Variants in ATP8A1 observed in about 807,000 individuals in gnomAD.
ATP8A1 encodes phospholipid-transporting ATPase IA.
In ATP8A1, 90 loss-of-function variants were observed where a neutral mutation model predicts 177.7. That is an observed-to-expected ratio of 0.51 (90% CI 0.43 to 0.60). The LOEUF is 0.60. Among genes scored for constraint, ATP8A1 ranks in the 20% least tolerant of loss-of-function variants. The pLI, the probability that ATP8A1 is intolerant of heterozygous loss-of-function variation, is 0.00. For missense variants in ATP8A1, 1,072 were observed against 1,392.8 expected (o/e 0.77, Z 3.67); for synonymous variants, 493 against 485.9 (o/e 1.01, Z -0.19).
At chr4:42,440,962 A>G (rs997892076) in intron 33 of ATP8A1, among the ~76,000 whole-genome samples, 1 of 152,118 alleles carries the variant, frequency 6.6e-6, no homozygotes, top group African/African-American at 2.4e-5. Flanking sequence ...CCAAATCAAC[A>G]CAGGAAAGGA....
intron 4 of ATP8A1, among the ~76,000 whole-genome samples, chr4:42,619,911 G>A (rs770077074): frequency 6.6e-5 from 10 of 152,080 alleles, no homozygotes; most frequent in Non-Finnish European, 1.0e-4. Context: ...CCCCACCCTT[G>A]CTACAATAAC....
intron 19 of ATP8A1, among the ~76,000 whole-genome samples, chr4:42,544,677 AG>A (rs1320628888): frequency 2.6e-5 from 4 of 152,236 alleles, no homozygotes; most frequent in South Asian, 4.1e-4. Flanking sequence ...AGCATTACAA[AG>A]GATAGGACTC....
At chr4:42,518,883 T>C (rs1725834950) in intron 22 of ATP8A1, among the ~76,000 whole-genome samples, 1 of 152,174 alleles carries the variant, frequency 6.6e-6, no homozygotes, top group African/African-American at 2.4e-5. Context: ...CTTGCCTCAC[T>C]AGAGTGGTTT....
intron 22 of ATP8A1, among the ~76,000 whole-genome samples, chr4:42,517,322 T>G (rs1475896178): frequency 6.6e-6 from 1 of 151,322 alleles, no homozygotes; most frequent in African/African-American, 2.4e-5. Flanking sequence ...AATTCTGATT[T>G]AAAAAATATA....
At chr4:42,524,913 G>A in intron 20 of ATP8A1, 66 bp from the exon 21 acceptor site, 2 of 1,019,154 alleles carry the variant, frequency 2.0e-6, no homozygotes, top group Non-Finnish European at 3.0e-6. Context: ...GTTGATGTTG[G>A]TAACAATAGC....
intron 27 of ATP8A1, among the ~76,000 whole-genome samples, chr4:42,456,719 A>C (rs1718527656): frequency 6.6e-6 from 1 of 152,220 alleles, no homozygotes; most frequent in Non-Finnish European, 1.5e-5. Context: ...ACATAAGCAC[A>C]AATACAAAAA....
At chr4:42,595,264 A>T (rs1734611080) in intron 6 of ATP8A1, among the ~76,000 whole-genome samples, 1 of 152,198 alleles carries the variant, frequency 6.6e-6, no homozygotes, top group Non-Finnish European at 1.5e-5. Context: ...GAACTCTAAA[A>T]TAACACTATG....
chr4:42,596,060 T>G (rs1359519892), intron 6 of ATP8A1, among the ~76,000 whole-genome samples: 1 of 152,202 alleles, frequency 6.6e-6, no homozygotes, highest in Admixed American at 6.5e-5. Flanking sequence ...TAAGATCAAT[T>G]TCTCAAAAGA....
intron 1 of ATP8A1, among the ~76,000 whole-genome samples, chr4:42,642,463 G>GC (rs1740097951): frequency 6.6e-6 from 1 of 152,196 alleles, no homozygotes; most frequent in African/African-American, 2.4e-5. Flanking sequence ...CCTTCAGTTT[G>GC]TCAGGATGTA....
chr4:42,653,691 A>G (rs1237539154), intron 1 of ATP8A1, among the ~76,000 whole-genome samples: 3 of 152,324 alleles, frequency 2.0e-5, no homozygotes, highest in East Asian at 3.9e-4. Flanking sequence ...GATATTATAT[A>G]TTGGAGTTAG....
intron 25 of ATP8A1, chr4:42,471,904 A>G: frequency 1.6e-6 from 1 of 640,850 alleles, no homozygotes; most frequent in East Asian, 3.3e-5. Context: ...GGAGCTGGAG[A>G]TAAACTCGGA....
chr4:42,539,657 C>A (rs1235348997), intron 20 of ATP8A1, among the ~76,000 whole-genome samples: 1 of 152,046 alleles, frequency 6.6e-6, no homozygotes, highest in African/African-American at 2.4e-5. Flanking sequence ...ACCAACTGAT[C>A]TTTGACAAAG....
Position 42,507,089 on chromosome 4 carries a change from T to A in ATP8A1, c.2013A>T (p.Ile671=), listed in dbSNP as rs1276191587. 9 of 1,614,082 alleles carry A rather than the reference T, an allele frequency of 5.6e-6. No homozygotes were observed. Among genetic ancestry groups the A allele is most frequent in the Non-Finnish European group, 7.6e-6 (9 of 1,179,940 alleles). Residue 671 remains isoleucine, a synonymous_variant, in exon 23 of 37, where the codon ATA becomes ATT. Transcript: ENST00000381668. ...TGATGTCTGCTTTCATTAGCGTTTC[T>A]ATGGTTTCAGGCACTTGATCTTGTA... The part of the protein sequence containing the change: ...DKLQDQVPET[I]ETLMKADIKI...
intron 5 of ATP8A1, among the ~76,000 whole-genome samples, chr4:42,610,934 C>T (rs1194880331): frequency 1.3e-5 from 2 of 152,198 alleles, no homozygotes; most frequent in Non-Finnish European, 1.5e-5. Context: ...GAGCAACACT[C>T]TCTTTTTCAG....
At chr4:42,543,880 T>C (rs1323833966) in intron 20 of ATP8A1, 37 bp downstream of exon 20, 3 of 1,462,292 alleles carry the variant, frequency 2.1e-6, no homozygotes, top group East Asian at 2.4e-5. Context: ...TAAACCATCA[T>C]AAATTATAAC....
At chr4:42,461,144 G>A (rs540000698) in intron 27 of ATP8A1, among the ~76,000 whole-genome samples, 4 of 151,484 alleles carry the variant, frequency 2.6e-5, no homozygotes, top group African/African-American at 9.7e-5. Context: ...GATGAAGGAT[G>A]TAAAATGTCT....
intron 24 of ATP8A1, among the ~76,000 whole-genome samples, chr4:42,496,263 G>C (rs1723264623): frequency 1.3e-5 from 2 of 152,170 alleles, no homozygotes; most frequent in South Asian, 2.1e-4. Context: ...GGAAGGAAGA[G>C]TGGGATAAGG....
intron 33 of ATP8A1, among the ~76,000 whole-genome samples, chr4:42,430,363 G>T (rs1436616950): frequency 1.3e-5 from 2 of 152,096 alleles, no homozygotes; most frequent in Non-Finnish European, 2.9e-5. Flanking sequence ...AAGTCAGATC[G>T]TGACTCCTTG....
chr4:42,431,336 G>T (rs1310570714), intron 33 of ATP8A1, among the ~76,000 whole-genome samples: 1 of 152,068 alleles, frequency 6.6e-6, no homozygotes, highest in Non-Finnish European at 1.5e-5. Flanking sequence ...AGGAGAAGGT[G>T]TATTTTTTTT....
Sources: allele counts gnomAD v4.1 joint callset (sites outside exome capture counted in the v4.1 genomes callset), GRCh38; gene constraint gnomAD v4.1.1; transcripts MANE v1.5; gene names NCBI Gene and HGNC (gene_info 2026-07-23, HGNC 2026-07-21).